CA5A: variants seen among roughly 807,000 people sequenced by gnomAD.
CA5A encodes carbonic anhydrase 5A, mitochondrial.
CA5A carries 28 observed loss-of-function variants against 37.1 expected under a neutral mutation model. The observed-to-expected ratio is 0.75, with a 90% CI of 0.56 to 1.03. The LOEUF (loss-of-function observed/expected upper bound fraction) is 1.03. Ranked by LOEUF, CA5A falls within the 50% of genes least tolerant of loss-of-function variation. The probability of loss-of-function intolerance (pLI) is 0.00; values close to 1 mark genes in which losing one functional copy is unlikely to be tolerated. For synonymous variants in CA5A, 171 were observed against 158.4 expected (o/e 1.08, Z -0.60); for missense variants, 444 against 399.9 (o/e 1.11, Z -0.94).
At chr16:87,905,089 C>T (rs188966548) in intron 2 of CA5A, among the ~76,000 whole-genome samples, 185 bp from the exon 3 acceptor site, 7 of 144,340 alleles carry the variant, frequency 4.8e-5, no homozygotes, top group Admixed American at 1.3e-4. Context: ...TTCACTCTGC[C>T]CCCCCCCAGC....
intron 6 of CA5A, among the ~76,000 whole-genome samples, chr16:87,890,445 G>T (rs1372107475): frequency 6.6e-6 from 1 of 152,134 alleles, no homozygotes; most frequent in East Asian, 1.9e-4. Context: ...GGAGCCCTCG[G>T]AAAGAGATGA....
downstream of CA5A, chr16:87,884,440 G>A (rs2055632719): frequency 6.6e-6 from 1 of 151,902 alleles, no homozygotes; most frequent in South Asian, 2.1e-4. Flanking sequence ...GGTGGCCCAT[G>A]CCTGTAATCT....
chr16:87,923,589 G>T, intron 2 of CA5A: 1 of 985,418 alleles, frequency 1.0e-6, no homozygotes, highest in Non-Finnish European at 1.2e-6. Context: ...ATGAGGTCTT[G>T]GTGAGGACAT....
chr16:87,907,687 G>A (rs2055986122), intron 2 of CA5A, among the ~76,000 whole-genome samples: 1 of 152,198 alleles, frequency 6.6e-6, no homozygotes, highest in Non-Finnish European at 1.5e-5. Context: ...CACTTTGGGA[G>A]GCCAAGGTAG....
At chr16:87,923,903 A>G in intron 2 of CA5A, 2 of 985,036 alleles carry the variant, frequency 2.0e-6, no homozygotes, top group South Asian at 4.7e-5. Context: ...CAAACAATTA[A>G]AAGTTCAGGA....
intron 5 of CA5A, among the ~76,000 whole-genome samples, chr16:87,894,976 G>T (rs537719002): frequency 3.9e-5 from 6 of 152,090 alleles, no homozygotes; most frequent in Admixed American, 1.3e-4. Flanking sequence ...CTGGTTGGGC[G>T]CAATGGATCA....
chr16:87,889,630 A>G (rs2055685376), intron 6 of CA5A, among the ~76,000 whole-genome samples: 1 of 151,912 alleles, frequency 6.6e-6, no homozygotes, highest in African/African-American at 2.4e-5. Context: ...AAAATTAGCC[A>G]GGTGTGGTGG....
At chr16:87,910,444 C>T (rs993306398) in intron 2 of CA5A, among the ~76,000 whole-genome samples, 14 of 152,254 alleles carry the variant, frequency 9.2e-5, no homozygotes, top group African/African-American at 2.9e-4. Context: ...CCAGTTTAGC[C>T]GGCAACCTCA....
chr16:87,906,496 G>A (rs1321841053), intron 2 of CA5A, among the ~76,000 whole-genome samples: 2 of 152,012 alleles, frequency 1.3e-5, no homozygotes, highest in South Asian at 2.1e-4. Flanking sequence ...GTGTGGTGGC[G>A]GGTGCCTGTA....
intron 2 of CA5A, among the ~76,000 whole-genome samples, chr16:87,905,177 G>A (rs35306202): frequency 0.17 from 25,362 of 151,858 alleles, 2,368 homozygotes; most frequent in South Asian, 0.28. Flanking sequence ...GGTGGTGAGG[G>A]CCTCAACTCC....
At chr16:87,928,760 G>GTTTTTTTTTTTTTTTTT (rs60994571) in intron 1 of CA5A, among the ~76,000 whole-genome samples, 1 of 57,922 alleles carries the variant, frequency 1.7e-5, no homozygotes, top group Non-Finnish European at 3.0e-5. Context: ...TCTTTTCTTT[G>GTTTTTTTTTTTTTTTTT]TTTTTTTTTT....
intron 3 of CA5A, among the ~76,000 whole-genome samples, chr16:87,902,981 T>C (rs1044662542): frequency 2.3e-4 from 35 of 151,446 alleles, no homozygotes; most frequent in African/African-American, 7.8e-4. Flanking sequence ...GCAGCACCTC[T>C]GAGCTCCCAG....
At chr16:87,935,953 G>C (rs1345426755) in intron 1 of CA5A, among the ~76,000 whole-genome samples, 3 of 151,814 alleles carry the variant, frequency 2.0e-5, no homozygotes, top group Admixed American at 2.0e-4. Context: ...CAGGCGGATC[G>C]CGAGGTTAGG....
At chr16:87,930,152 A>G (rs1475800405) in intron 1 of CA5A, among the ~76,000 whole-genome samples, 1 of 152,090 alleles carries the variant, frequency 6.6e-6, no homozygotes, top group Non-Finnish European at 1.5e-5. Context: ...TCATAACCAG[A>G]ATCTCAGCAG....
chr16:87,931,814 C>G (rs901001934), intron 1 of CA5A, among the ~76,000 whole-genome samples: 2 of 152,222 alleles, frequency 1.3e-5, no homozygotes, highest in African/African-American at 4.8e-5. Context: ...CTCTCTCACG[C>G]GATAGACAAC....
At chr16:87,929,335 C>G (rs2056363594) in intron 1 of CA5A, among the ~76,000 whole-genome samples, 1 of 150,646 alleles carries the variant, frequency 6.6e-6, no homozygotes, top group South Asian at 2.1e-4. Flanking sequence ...GCCTGTAATC[C>G]CAGCTACCGG....
chr16:87,901,987 C>T lies in CA5A; in HGVS notation c.556-13G>A, dbSNP rs372389355. On this transcript the variant is annotated splice_polypyrimidine_tract_variant and intron_variant, in intron 4 of 6. Coordinates refer to ENST00000649794, the MANE Select transcript of CA5A (RefSeq NM_001739.2). ...GATGGGCCCCGAGCTGCATGGCAGA[C>T]AAAGGAGGGGTTAGCTGCAAAGGCA... The T allele has an allele frequency of 6.2e-7, 1 of 1,612,900 alleles. No homozygotes were observed. The highest frequency in any genetic ancestry group is 1.7e-5 in the Admixed American group (1 of 59,978).
At chr16:87,898,572 TC>T (rs1373457007) in intron 5 of CA5A, among the ~76,000 whole-genome samples, 1 of 152,188 alleles carries the variant, frequency 6.6e-6, no homozygotes, top group Non-Finnish European at 1.5e-5. Flanking sequence ...TGGTGGATTT[TC>T]GTTTCGTGAC....
At chr16:87,899,886 C>T (rs2055853196) in intron 5 of CA5A, among the ~76,000 whole-genome samples, 2 of 130,456 alleles carry the variant, frequency 1.5e-5, no homozygotes, top group Non-Finnish European at 3.1e-5. Context: ...CACCATTGCA[C>T]TCCAGCCTGG....
Sources: allele counts gnomAD v4.1 joint callset (sites outside exome capture counted in the v4.1 genomes callset), GRCh38; gene constraint gnomAD v4.1.1; transcripts MANE v1.5; gene names NCBI Gene and HGNC (gene_info 2026-07-23, HGNC 2026-07-21).